AGO2: variants seen among roughly 807,000 people sequenced by gnomAD.
AGO2 encodes the protein argonaute RISC catalytic component 2, also known as protein argonaute-2.
In AGO2, 5 loss-of-function variants were observed where a neutral mutation model predicts 102.3. The observed-to-expected ratio is 0.05, with a 90% CI of 0.03 to 0.10. The LOEUF is 0.10. AGO2 is among the 10% of genes least tolerant of loss of function. AGO2 has a pLI of 1.00. For missense variants in AGO2, 541 were observed against 1,183.7 expected, an observed-to-expected ratio of 0.46 and a Z score of 7.97; for synonymous variants, 449 against 473.1, an observed-to-expected ratio of 0.95 and a Z score of 0.66.
intron 1 of AGO2, among the ~76,000 whole-genome samples, chr8:140,618,332 A>G (rs1330363741): frequency 6.6e-6 from 1 of 152,030 alleles, no homozygotes; most frequent in Non-Finnish European, 1.5e-5. Context: ...GAAAAAAAAA[A>G]AAAAAAGTTG....
At chr8:140,536,921 C>A (rs1448687454) in intron 16 of AGO2, among the ~76,000 whole-genome samples, 1 of 152,194 alleles carries the variant, frequency 6.6e-6, no homozygotes, top group East Asian at 1.9e-4. Flanking sequence ...TCTTTTATGG[C>A]CCTCTTTCTT....
In AGO2 at chr8:140,530,088, T is replaced by TAAA. The variant is rs375978646; in HGVS notation, c.*1953_*1955dup. 6.6e-6 allele frequency: 1 copy of TAAA among 150,642 alleles called. No individual in the cohort carries two copies. The highest frequency in any genetic ancestry group is 2.4e-5 in the African/African-American group (1 of 40,842). The allele number at this position is 150,642 out of a possible 1,614,324, so 9.3% of individuals were successfully genotyped here. On this transcript the variant is annotated 3_prime_UTR_variant, in exon 19 of 19. Coordinates refer to ENST00000220592, the MANE Select transcript of AGO2 (RefSeq NM_012154.5). Reference sequence around the variant, plus strand: ...GGGAGCTTCTGTCATTTAAAAAGATTAAAAAAAAATACAGCCAGAAGAGAC... The same window carrying TAAA: ...GGGAGCTTCTGTCATTTAAAAAGATTAAAAAAAAAAAATACAGCCAGAAGAGAC...
intron 1 of AGO2, 39 bp from the exon 2 acceptor site, chr8:140,585,350 G>A: frequency 6.3e-7 from 1 of 1,598,774 alleles, no homozygotes; most frequent in East Asian, 2.2e-5. Context: ...CGGGGGAGCA[G>A]GCTTGCTCTG....
intron 1 of AGO2, chr8:140,626,567 T>G (rs1343644450): frequency 6.6e-6 from 1 of 152,164 alleles, no homozygotes; most frequent in East Asian, 1.9e-4. Flanking sequence ...AGGTTTTCAC[T>G]CTGTACGAAG....
intron 3 of AGO2, among the ~76,000 whole-genome samples, chr8:140,566,172 A>G (rs1176155330): frequency 6.6e-6 from 1 of 152,242 alleles, no homozygotes; most frequent in Non-Finnish European, 1.5e-5. Flanking sequence ...GAATCCAGGA[A>G]GGTGACTGAA....
rs74500398 is a variant in AGO2, at chr8:140,572,961, T to C, written c.216-29A>G. 1,453 of 1,584,832 alleles carry C rather than the reference T, an allele frequency of 9.2e-4. 14 individuals are homozygous for C. In the African/African-American group the frequency reaches 0.018, roughly 19 times the overall value. On this transcript the variant is annotated intron_variant, in intron 2 of 18. Transcript: ENST00000220592. Reference sequence around the variant, plus strand: ...AAACAAAGACAAAAGTCGGGCAAAATGTCAATAAAATGGAGAAAATGGCAT... The same window carrying C: ...AAACAAAGACAAAAGTCGGGCAAAACGTCAATAAAATGGAGAAAATGGCAT...
the AGO2 span, among the ~76,000 whole-genome samples, chr8:140,642,183 G>A: frequency 2.6e-5 from 4 of 152,228 alleles, no homozygotes; most frequent in African/African-American, 9.6e-5. Flanking sequence ...GAGGGAGACA[G>A]CATACTCACG....
chr8:140,562,336 A>G, intron 4 of AGO2, 117 bp downstream of exon 4: 1 of 1,273,206 alleles, frequency 7.9e-7, no homozygotes, highest in East Asian at 2.5e-5. Flanking sequence ...AACCCACGTG[A>G]CCACTCCCAC....
rs1050606372 is a variant in AGO2 at position 140,525,382 on chromosome 8, A to C, written c.*6662T>G. The stretch of plus-strand genomic sequence containing the variant: ...GATTCTGACAGCCCAAGGCCAGCCC[A>C]GCGGACCCAAGCAGCCTGTACCCTG... On this transcript the variant is annotated 3_prime_UTR_variant, in exon 19 of 19. Transcript: ENST00000220592. 1 of 152,368 alleles carries C rather than the reference A, an allele frequency of 6.6e-6. No individual in the cohort carries two copies. The highest frequency in any genetic ancestry group is 2.4e-5 in the African/African-American group (1 of 41,426). The allele number at this position is 152,368 out of a possible 1,614,324, so 9.4% of individuals were successfully genotyped here.
At chr8:140,624,947 C>T (rs1057133320) in intron 1 of AGO2, among the ~76,000 whole-genome samples, 9 of 152,188 alleles carry the variant, frequency 5.9e-5, no homozygotes, top group Non-Finnish European at 7.4e-5. Flanking sequence ...CTCCTTCCAA[C>T]GGCCCCCTTG....
chr8:140,534,635 T>G (rs955490669), intron 17 of AGO2, among the ~76,000 whole-genome samples: 3 of 152,248 alleles, frequency 2.0e-5, no homozygotes, highest in African/African-American at 7.2e-5. Flanking sequence ...ATGTGACATT[T>G]TAAAATATTT....
rs2072750693 is a variant in AGO2, at chr8:140,539,239, C to T, written c.2169+81G>A. 3.2e-5 allele frequency: 47 copies of T among 1,473,764 alleles called. No individual in the cohort carries two copies. The highest frequency in any genetic ancestry group is 3.9e-5 in the Non-Finnish European group (44 of 1,114,392). 91.3% of individuals were successfully genotyped at this position (1,473,764 alleles called of 1,614,324 possible). A position where few individuals can be genotyped will look rare whatever the true frequency, so the allele number is the denominator to read the frequency against. The stretch of plus-strand genomic sequence containing the variant: ...CCTGGGACAGCGGCACTGTGGCCAG[C>T]AGGTTCTCTTGTGAGTGTGCTCGGG... On this transcript the variant is annotated intron_variant, in intron 16 of 18. Transcript: ENST00000220592. The surrounding 1 kb of genome is among the most constrained non-coding windows in gnomAD (Gnocchi z 4.7).
rs1273707955 is a variant in AGO2, at chr8:140,551,415, C to T, written c.1291G>A (p.Val431Ile). The T allele has an allele frequency of 4.4e-6, 7 of 1,580,864 alleles. No homozygotes were observed. Among genetic ancestry groups the T allele is most frequent in the Non-Finnish European group, 6.0e-6 (7 of 1,158,874 alleles). Reference protein sequence around the residue: ...GGRNKAIATPVQGVWDMRNKQ... With the variant: ...GGRNKAIATPIQGVWDMRNKQ... ...TTCCGCATGTCCCAGACGCCCTGGACAGGGGTCGCAATAGCTTTATTCTGC... is the reference window on the plus strand; with the variant it reads ...TTCCGCATGTCCCAGACGCCCTGGATAGGGGTCGCAATAGCTTTATTCTGC... The change falls in exon 11 of 19, where the codon GTC (valine) becomes ATC (isoleucine). Residue 431 changes from valine (V) to isoleucine (I), a missense_variant. By Grantham distance (29) the Val-to-Ile change is conservative. Transcript: ENST00000220592.
intron 12 of AGO2, among the ~76,000 whole-genome samples, chr8:140,548,177 A>G (rs2072934913): frequency 1.3e-5 from 2 of 152,268 alleles, no homozygotes; most frequent in South Asian, 4.1e-4. Flanking sequence ...TTAGCCGGGC[A>G]TGGCAGTGTG....
intron 3 of AGO2, among the ~76,000 whole-genome samples, chr8:140,565,648 A>C (rs1374187759): frequency 1.3e-5 from 2 of 148,622 alleles, no homozygotes; most frequent in African/African-American, 5.0e-5. Context: ...TCTCAAAAAA[A>C]AAAAAAGAAG....
At chr8:140,638,953 A>G (rs1392306352), upstream of AGO2, among the ~76,000 whole-genome samples, 1 of 152,126 alleles carries the variant, frequency 6.6e-6, no homozygotes, top group Non-Finnish European at 1.5e-5. Context: ...GTGCAATCAT[A>G]GCTCACTGCA....
intron 1 of AGO2, among the ~76,000 whole-genome samples, chr8:140,594,117 C>T (rs1440961156): frequency 6.6e-6 from 1 of 152,146 alleles, no homozygotes; most frequent in Admixed American, 6.5e-5. Flanking sequence ...TCTCAGGGCG[C>T]TCGTCTTCAG....
chr8:140,534,893 TC>T (rs1231639666), intron 17 of AGO2, among the ~76,000 whole-genome samples: 1 of 152,174 alleles, frequency 6.6e-6, no homozygotes, highest in East Asian at 1.9e-4. Flanking sequence ...CTGTCAGTGC[TC>T]CCAAGAATCG....
chr8:140,537,326 C>CT (rs71504803), intron 16 of AGO2, among the ~76,000 whole-genome samples: 32,712 of 144,722 alleles, frequency 0.23, 3,949 homozygotes, highest in East Asian at 0.31. Context: ...GGTTTCTTTT[C>CT]TTTTTTTTTT....
Sources: allele counts gnomAD v4.1 joint callset (sites outside exome capture counted in the v4.1 genomes callset), GRCh38; gene constraint gnomAD v4.1.1; non-coding constraint Gnocchi (gnomAD v3.1); transcripts MANE v1.5; gene names NCBI Gene and HGNC (gene_info 2026-07-23, HGNC 2026-07-21).